Variants in EDARADD observed in about 807,000 individuals in gnomAD.
EDARADD encodes the protein EDAR associated via death domain.
EDARADD carries 20 observed loss-of-function variants against 25.6 expected under a neutral mutation model. The observed-to-expected ratio is 0.78, with a 90% CI of 0.55 to 1.14. The LOEUF (loss-of-function observed/expected upper bound fraction) is 1.14. Among genes scored for constraint, EDARADD ranks in the 50% most tolerant of loss-of-function variants. EDARADD has a pLI of 0.00. For missense variants in EDARADD, 225 were observed against 270.1 expected, an observed-to-expected ratio of 0.83 and a Z score of 1.17; for synonymous variants, 86 against 94.4, an observed-to-expected ratio of 0.91 and a Z score of 0.52.
upstream of EDARADD, among the ~76,000 whole-genome samples, chr1:236,392,372 C>T (rs1667435994): frequency 6.6e-6 from 1 of 152,012 alleles, no homozygotes; most frequent in Admixed American, 6.6e-5. Flanking sequence ...ATTCTGTCAC[C>T]CAGTGGTGTG....
chr1:236,355,669 C>G (rs1227864751), intron 3 of EDARADD, among the ~76,000 whole-genome samples: 1 of 151,918 alleles, frequency 6.6e-6, no homozygotes. Context: ...ACCATCATGC[C>G]TGGCTAATTT....
chr1:236,467,694 A>G lies in EDARADD; in HGVS notation c.220-537A>G, dbSNP rs1163034084. ...AAGCCCTGACAGACAAAAAGCAGAT[A>G]AGAAATAAAATAAGGAAGATAACCC... On this transcript the variant is annotated intron_variant, in intron 4 of 5. Transcript: ENST00000334232. Among the ~76,000 whole-genome samples, 6 of 152,344 alleles carry G rather than the reference A, an allele frequency of 3.9e-5. No homozygotes were observed. In the East Asian group the frequency reaches 9.6e-4, roughly 24 times the overall value.
At chr1:236,443,051 A>C (rs1416053434) in intron 4 of EDARADD, among the ~76,000 whole-genome samples, 2 of 152,298 alleles carry the variant, frequency 1.3e-5, no homozygotes, top group East Asian at 3.9e-4. Context: ...AAGGCTTCCT[A>C]AGAAGAAGTT....
chr1:236,433,423 C>T (rs1244337546), intron 4 of EDARADD, among the ~76,000 whole-genome samples: 10 of 151,770 alleles, frequency 6.6e-5, no homozygotes, highest in African/African-American at 1.4e-4. Context: ...GCGATTCTCC[C>T]GCCTCAGCCC....
intron 4 of EDARADD, among the ~76,000 whole-genome samples, chr1:236,428,988 C>T (rs1211518763): frequency 2.6e-5 from 4 of 152,132 alleles, no homozygotes; most frequent in African/African-American, 4.8e-5. Context: ...ATACGAAAAC[C>T]AGTCAGGCGT....
chr1:236,449,844 T>C (rs902138250), intron 4 of EDARADD, among the ~76,000 whole-genome samples: 6 of 152,244 alleles, frequency 3.9e-5, no homozygotes, highest in Non-Finnish European at 7.3e-5. Flanking sequence ...CTCACGCCTG[T>C]AATCCTAACA....
intron 4 of EDARADD, among the ~76,000 whole-genome samples, chr1:236,454,051 T>C (rs763429243): frequency 6.7e-6 from 1 of 148,840 alleles, no homozygotes; most frequent in Non-Finnish European, 1.5e-5. Flanking sequence ...TTTTTCTTTT[T>C]CTTTTCTTTT....
rs984780896 is a variant in EDARADD at position 236,484,212 on chromosome 1, G to C, written c.*1563G>C. On this transcript the variant is annotated 3_prime_UTR_variant, in exon 6 of 6. Transcript: ENST00000334232. The surrounding 1 kb of genome is among the most constrained non-coding windows in gnomAD (Gnocchi z 4.1). ...GCTCAAAGTGAACCAGATTCGCTCT[G>C]TGACTGAGTCCCTTCAGGCGTGCAA... 9.9e-7 allele frequency: 1 copy of C among 1,005,358 alleles called. No individual in the cohort carries two copies. Among genetic ancestry groups the C allele is most frequent in the Non-Finnish European group, 1.6e-6 (1 of 625,458 alleles). The allele number at this position is 1,005,358 out of a possible 1,614,324, so 62.3% of individuals were successfully genotyped here. A position where few individuals can be genotyped will look rare whatever the true frequency, so the allele number is the denominator to read the frequency against.
intron 3 of EDARADD, among the ~76,000 whole-genome samples, chr1:236,380,111 T>A (rs1437854024): frequency 6.6e-6 from 1 of 152,232 alleles, no homozygotes; most frequent in East Asian, 1.9e-4. Flanking sequence ...TTTCATTATT[T>A]CCTTCCTTCA....
intron 5 of EDARADD, among the ~76,000 whole-genome samples, chr1:236,471,897 C>G (rs1207451935): frequency 6.6e-6 from 1 of 152,176 alleles, no homozygotes; most frequent in Non-Finnish European, 1.5e-5. Context: ...CCTAACTAAT[C>G]ATGACGTTTG....
chr1:236,395,695 C>T lies in EDARADD; in HGVS notation c.61+1190C>T, dbSNP rs1234942829. 6.5e-7 allele frequency: 1 copy of T among 1,543,508 alleles called. No homozygotes were observed. The highest frequency in any genetic ancestry group is 8.7e-7 in the Non-Finnish European group (1 of 1,149,558). The stretch of plus-strand genomic sequence containing the variant: ...CACAGCGCCGCGCCCGCTCCTGGAG[C>T]GAGCACCGCGGGGCGGGAGCTCGGG... On this transcript the variant is annotated intron_variant, in intron 1 of 5. Transcript: ENST00000334232. The surrounding 1 kb of genome is among the most constrained non-coding windows in gnomAD (Gnocchi z 6.9).
At chr1:236,433,824 C>T (rs970223766) in intron 4 of EDARADD, among the ~76,000 whole-genome samples, 3 of 151,344 alleles carry the variant, frequency 2.0e-5, no homozygotes, top group East Asian at 1.9e-4. Context: ...AAGCCGATAT[C>T]GCACCACTGC....
At chr1:236,410,752 A>G (rs946436031) in intron 2 of EDARADD, among the ~76,000 whole-genome samples, 11 of 152,188 alleles carry the variant, frequency 7.2e-5, no homozygotes, top group African/African-American at 2.7e-4. Flanking sequence ...CACAGAATAC[A>G]CTTCATGTAA....
At chr1:236,363,631 C>A (rs1028688411) in intron 3 of EDARADD, among the ~76,000 whole-genome samples, 6 of 151,828 alleles carry the variant, frequency 4.0e-5, no homozygotes, top group African/African-American at 1.5e-4. Context: ...TGGGCTCAAG[C>A]GATTTTCCTA....
intron 4 of EDARADD, among the ~76,000 whole-genome samples, chr1:236,455,390 G>T (rs1265712301): frequency 6.6e-6 from 1 of 152,156 alleles, no homozygotes; most frequent in Non-Finnish European, 1.5e-5. Flanking sequence ...GTGTCAGCCC[G>T]ACAGGCCCCT....
Position 236,453,278 on chromosome 1 carries a change from CTTTTTTTTT to C in EDARADD, c.220-14943_220-14935del, listed in dbSNP as rs71672500. Reference sequence around the variant, plus strand: ...AGTGGTCCCTTGAGATTCTTTTTTTCTTTTTTTTTTTTTTTTTTGAGATGGAGTCTCGCT... The same window carrying C: ...AGTGGTCCCTTGAGATTCTTTTTTTCTTTTTTTTTGAGATGGAGTCTCGCT... On this transcript the variant is annotated intron_variant, in intron 4 of 5. Transcript: ENST00000334232. 3.9e-4 allele frequency among the ~76,000 whole-genome samples: 52 copies of C among 133,888 alleles called. 1 individual carries two copies. The East Asian group carries it at 7.3e-3, about 19-fold the overall frequency. The allele number at this position is 133,888 out of a possible 152,430, so 87.8% of individuals were successfully genotyped here.
At chr1:236,393,048 G>C (rs915606884), upstream of EDARADD, among the ~76,000 whole-genome samples, 3 of 152,154 alleles carry the variant, frequency 2.0e-5, no homozygotes, top group South Asian at 6.2e-4. Context: ...GCCTCCGAAA[G>C]TGCTGAAATT....
chr1:236,447,212 CTTTCTTTCT>C (rs1558127442), intron 4 of EDARADD, among the ~76,000 whole-genome samples: 10 of 29,442 alleles, frequency 3.4e-4, no homozygotes, highest in Non-Finnish European at 1.1e-3. Context: ...TTCTTTCTTT[CTTTCTTTCT>C]TTCCTTTCTT....
At chr1:236,363,030 T>TATATATAAAA (rs796610771) in intron 3 of EDARADD, among the ~76,000 whole-genome samples, 34 of 101,934 alleles carry the variant, frequency 3.3e-4, no homozygotes, top group Non-Finnish European at 5.1e-4. Flanking sequence ...TATATATATA[T>TATATATAAAA]ATAAAATTTG....
Sources: allele counts gnomAD v4.1 joint callset (sites outside exome capture counted in the v4.1 genomes callset), GRCh38; gene constraint gnomAD v4.1.1; non-coding constraint Gnocchi (gnomAD v3.1); transcripts MANE v1.5; gene names NCBI Gene and HGNC (gene_info 2026-07-23, HGNC 2026-07-21).